Variants in UNC80 observed in about 807,000 individuals in gnomAD.
UNC80 encodes protein unc-80 homolog.
Under a neutral mutation model 384.6 loss-of-function variants are expected in UNC80, and 164 were observed. That is an observed-to-expected ratio of 0.43 (90% confidence interval 0.38 to 0.49). The LOEUF (loss-of-function observed/expected upper bound fraction) is 0.49. Among genes scored for constraint, UNC80 ranks in the 20% least tolerant of loss-of-function variants. The pLI is 0.00. For missense variants in UNC80, 3,330 were observed against 4,143.0 expected (o/e 0.80, Z 5.39); for synonymous variants, 1,486 against 1,527.8 (o/e 0.97, Z 0.64).
chr2:209,901,340 T>A (rs1460117763), intron 28 of UNC80, among the ~76,000 whole-genome samples: 1 of 152,170 alleles, frequency 6.6e-6, no homozygotes, highest in Non-Finnish European at 1.5e-5. Context: ...CTAAATTTAC[T>A]CTTCCTGAGC....
Position 209,904,837 on chromosome 2 carries a change from C to T in UNC80, c.4654C>T (p.Leu1552=). Residue 1552 remains leucine, a synonymous_variant, in exon 29 of 65, where the codon CTG becomes TTG. Transcript: ENST00000673920. ...HVDYCHPHCY[L]HHSRSCARLV... Reference sequence around the variant, plus strand: ...TGACTACTGCCATCCCCACTGCTACCTGCACCACAGCCGCTCCTGTGCCCG... The same window carrying T: ...TGACTACTGCCATCCCCACTGCTACTTGCACCACAGCCGCTCCTGTGCCCG... The T allele has an allele frequency of 6.4e-7, 1 of 1,551,838 alleles. No homozygotes were observed.
At chr2:209,819,630 G>A (rs971973165) in intron 12 of UNC80, among the ~76,000 whole-genome samples, 2 of 151,866 alleles carry the variant, frequency 1.3e-5, no homozygotes, top group Admixed American at 6.6e-5. Context: ...CAAACCTCCT[G>A]TGTAACCAGA....
In UNC80 at chr2:209,976,193, G is replaced by A; in HGVS notation, c.8662G>A (p.Glu2888Lys). The change falls in exon 57 of 65, where the codon GAG (glutamate) becomes AAG (lysine). Residue 2888 changes from glutamate to lysine, a missense_variant. By Grantham distance (56) the Glu-to-Lys change is moderately conservative. Coordinates refer to ENST00000673920, the MANE Select transcript of UNC80 (RefSeq NM_001371986.1). The surrounding 1 kb of genome is among the most constrained non-coding windows in gnomAD (Gnocchi z 4.3). ...QWYWLSLQVK[E>K]MALRKVGGLA... is the part of the protein sequence containing the mutation. Reference sequence around the variant, plus strand: ...GTACTGGCTGAGCCTCCAGGTGAAGGAGATGGCTCTGCGGAAGGTGGGAGG... The same window carrying A: ...GTACTGGCTGAGCCTCCAGGTGAAGAAGATGGCTCTGCGGAAGGTGGGAGG... The A allele has an allele frequency of 1.3e-6, 2 of 1,551,680 alleles. No homozygotes were observed. Among genetic ancestry groups the A allele is most frequent in the Non-Finnish European group, 1.7e-6 (2 of 1,146,990 alleles).
chr2:209,872,219 C>CT lies in UNC80; in HGVS notation c.3628-532dup, dbSNP rs34090233. Among the ~76,000 whole-genome samples the CT allele has an allele frequency of 0.063, 9,649 of 152,082 alleles. 405 individuals carry two copies. Among genetic ancestry groups the CT allele is most frequent in the Middle Eastern group, 0.15 (44 of 292 alleles). ...TGTTGGCCAGGCTGGTCTTGAACTT[C>CT]TTTTTTTAATAGCCAAAATGTGCAG... On this transcript the variant is annotated intron_variant, in intron 22 of 64. Coordinates refer to ENST00000673920, the MANE Select transcript of UNC80 (RefSeq NM_001371986.1). The surrounding 1 kb of genome is among the most constrained non-coding windows in gnomAD (Gnocchi z 4.1).
intron 14 of UNC80, among the ~76,000 whole-genome samples, chr2:209,828,121 G>A (rs2080676507): frequency 6.6e-6 from 1 of 151,892 alleles, no homozygotes; most frequent in Non-Finnish European, 1.5e-5. Context: ...GTATTTTATA[G>A]AAAACACAGA....
intron 52 of UNC80, chr2:209,969,504 A>G: frequency 2.1e-6 from 1 of 471,786 alleles, no homozygotes; most frequent in Admixed American, 3.8e-5. Context: ...TCAAAGCTAA[A>G]ACCAGGGAAA....
At position 209,926,838 on chromosome 2, in the gene UNC80, T is replaced by TCCTCTCCCA; in HGVS notation, c.5663-5_5663-4insCCTCTCCCA. ...AAAGCACCCTGATTTTGTCTCCCAT[T>TCCTCTCCCA]TTAGATGAGGAACATACCACTGAAC... On this transcript the variant is annotated splice_polypyrimidine_tract_variant and splice_region_variant and intron_variant, in intron 35 of 64. Transcript: ENST00000673920. 1 of 1,551,788 alleles carries TCCTCTCCCA rather than the reference T, an allele frequency of 6.4e-7. No individual in the cohort carries two copies. Among genetic ancestry groups the TCCTCTCCCA allele is most frequent in the Non-Finnish European group, 8.7e-7 (1 of 1,146,928 alleles).
In UNC80 at chr2:209,815,803, G is replaced by GAC. The variant is rs143812251; in HGVS notation, c.1335+413_1335+414dup. Among the ~76,000 whole-genome samples the GAC allele has an allele frequency of 6.7e-3, 1,026 of 152,248 alleles. 6 individuals carry two copies. Among genetic ancestry groups the GAC allele is most frequent in the African/African-American group, 0.023 (965 of 41,554 alleles). On this transcript the variant is annotated intron_variant, in intron 9 of 64. Transcript: ENST00000673920. ...CTCCTCATTTTGCAGGTAAGAAATT[G>GAC]ACCCTTAGAAATTTTAGGTAGTTTG...
intron 54 of UNC80, among the ~76,000 whole-genome samples, chr2:209,971,702 G>GA (rs914434424): frequency 6.6e-6 from 1 of 152,200 alleles, no homozygotes; most frequent in Non-Finnish European, 1.5e-5. Context: ...GTGCAGAAGA[G>GA]AAACAGTGAC....
intron 33 of UNC80, 52 bp downstream of exon 33, chr2:209,918,715 T>G (rs2089771866): frequency 3.4e-5 from 50 of 1,456,464 alleles, no homozygotes; most frequent in Middle Eastern, 1.8e-4. Flanking sequence ...AAGAGAACAA[T>G]TAATATTTGT....
At chr2:209,943,612 A>G in intron 45 of UNC80, 98 bp downstream of exon 45, 1 of 1,408,138 alleles carries the variant, frequency 7.1e-7, no homozygotes, top group East Asian at 2.5e-5. Context: ...GTTGGCTACC[A>G]TCACTTGTGT....
At chr2:209,966,423 G>C (rs1038697036) in intron 51 of UNC80, among the ~76,000 whole-genome samples, 1 of 151,868 alleles carries the variant, frequency 6.6e-6, no homozygotes, top group Admixed American at 6.6e-5. Context: ...GCATCTACTC[G>C]GTATATTTTA....
At chr2:209,853,238 C>T (rs954795284) in intron 22 of UNC80, among the ~76,000 whole-genome samples, 1 of 152,024 alleles carries the variant, frequency 6.6e-6, no homozygotes, top group Non-Finnish European at 1.5e-5. Flanking sequence ...TTTTTAAGTG[C>T]AGCTTAAATA....
chr2:209,849,965 A>G (rs912578795), intron 22 of UNC80, among the ~76,000 whole-genome samples: 5 of 152,060 alleles, frequency 3.3e-5, no homozygotes, highest in African/African-American at 1.2e-4. Context: ...ATGAGATATT[A>G]GATATAAAGC....
intron 8 of UNC80, among the ~76,000 whole-genome samples, chr2:209,814,905 A>AT (rs1490417697): frequency 1.3e-5 from 2 of 152,132 alleles, no homozygotes; most frequent in Admixed American, 1.3e-4. Flanking sequence ...AGTAGTAGAT[A>AT]TTCTGCCTAA....
intron 47 of UNC80, among the ~76,000 whole-genome samples, chr2:209,946,808 A>G (rs1403484474): frequency 6.6e-6 from 1 of 152,198 alleles, no homozygotes; most frequent in Admixed American, 6.5e-5. Flanking sequence ...GGAAGGAGCC[A>G]AGCTGATTAT....
chr2:209,993,874 G>C (rs976228118), intron 63 of UNC80, among the ~76,000 whole-genome samples, 191 bp from the exon 64 acceptor site: 4 of 152,184 alleles, frequency 2.6e-5, no homozygotes, highest in Admixed American at 2.6e-4. Context: ...TTCTACGTAA[G>C]TCTTACTCTT....
At position 209,945,862 on chromosome 2, in the gene UNC80, A is replaced by G. The variant is rs2091892569; in HGVS notation, c.7205A>G (p.Asn2402Ser). ...GTTCCTTCAGATTTCTGCTATGGAA[A>G]CGAAGATCTGACATTTTCTATCAGT... ...PLKSLDFCYG[N>S]EDLTFSISEA... Residue 2402 changes from asparagine to serine, a missense_variant, in exon 47 of 65, where the codon AAC becomes AGC. By Grantham distance (46) the Asn-to-Ser change is conservative. Around this residue, in one of 8 missense-constraint regions of UNC80, gnomAD observed 1,049 missense variants for 1,488.6 expected, o/e 0.70. Transcript: ENST00000673920. The G allele has an allele frequency of 6.4e-7, 1 of 1,551,714 alleles. No homozygotes were observed. Among genetic ancestry groups the G allele is most frequent in the African/African-American group, 1.4e-5 (1 of 73,118 alleles).
intron 55 of UNC80, 109 bp from the exon 56 acceptor site, chr2:209,972,955 G>A: frequency 1.1e-6 from 1 of 918,890 alleles, no homozygotes; most frequent in Non-Finnish European, 1.7e-6. Flanking sequence ...AATTTCTAGG[G>A]TGTTGTAGTT....
Sources: allele counts gnomAD v4.1 joint callset (sites outside exome capture counted in the v4.1 genomes callset), GRCh38; gene constraint gnomAD v4.1.1; regional missense constraint gnomAD v4.1.1; non-coding constraint Gnocchi (gnomAD v3.1); transcripts MANE v1.5; gene names NCBI Gene and HGNC (gene_info 2026-07-23, HGNC 2026-07-21).